Variants in CLHC1 observed in about 807,000 individuals in gnomAD.
CLHC1 encodes clathrin heavy chain linker domain containing 1, also known as clathrin heavy chain linker domain-containing protein 1.
Under a neutral mutation model 69.5 loss-of-function variants are expected in CLHC1, and 72 were observed. The ratio of observed to expected loss-of-function variants is 1.04; its 90% CI spans 0.86 to 1.26. CLHC1 has a LOEUF of 1.26. Ranked by LOEUF, CLHC1 falls within the 50% of genes most tolerant of loss-of-function variation. CLHC1 has a pLI of 0.00. For missense variants in CLHC1, 790 were observed against 679.3 expected, an observed-to-expected ratio of 1.16 and a Z score of -1.81; for synonymous variants, 223 against 224.3, an observed-to-expected ratio of 0.99 and a Z score of 0.05.
chr2:55,176,209 C>A (rs1309850454), intron 12 of CLHC1, among the ~76,000 whole-genome samples: 1 of 152,142 alleles, frequency 6.6e-6, no homozygotes, highest in Non-Finnish European at 1.5e-5. Flanking sequence ...CTCTTCATGT[C>A]TCAATTCAAC....
chr2:55,180,445 A>G, intron 11 of CLHC1, 65 bp downstream of exon 11: 1 of 1,160,260 alleles, frequency 8.6e-7, no homozygotes, highest in East Asian at 2.4e-5. Flanking sequence ...GCTTGCTATT[A>G]TGGGTAATCT....
intron 10 of CLHC1, 95 bp from the exon 11 acceptor site, chr2:55,180,807 T>C: frequency 1.2e-6 from 1 of 857,544 alleles, no homozygotes; most frequent in African/African-American, 1.7e-5. Context: ...AGGACTGGAT[T>C]TTCTACTACC....
At chr2:55,178,991 C>T (rs981263966) in intron 11 of CLHC1, among the ~76,000 whole-genome samples, 1 of 151,286 alleles carries the variant, frequency 6.6e-6, no homozygotes, top group Admixed American at 6.6e-5. Context: ...TGCAGTGCCA[C>T]AATCACAGCT....
chr2:55,184,959 CACAA>C (rs537130476), intron 9 of CLHC1, among the ~76,000 whole-genome samples: 3,431 of 146,670 alleles, frequency 0.023, 70 homozygotes, highest in South Asian at 0.04. Flanking sequence ...CACACACACA[CACAA>C]AGATTTCCTA....
Position 55,197,859 on chromosome 2 carries a change from G to T in CLHC1, c.1006+8411C>A, listed in dbSNP as rs190311495. On this transcript the variant is annotated intron_variant, in intron 9 of 12. Coordinates refer to ENST00000401408, the MANE Select transcript of CLHC1 (RefSeq NM_152385.4). ...GACCTCACCAAACAAACTAAATAAG[G>T]TAACAGGGCCAATCCTAGAAAGACA... is the stretch of plus-strand genomic sequence containing the variant. 5.3e-5 allele frequency among the ~76,000 whole-genome samples: 8 copies of T among 152,186 alleles called. No homozygotes were observed. The East Asian group carries it at 1.5e-3, about 29-fold the overall frequency.
chr2:55,205,100 A>C (rs538452010), intron 9 of CLHC1, among the ~76,000 whole-genome samples: 78 of 152,168 alleles, frequency 5.1e-4, no homozygotes, highest in Non-Finnish European at 8.2e-4. Flanking sequence ...CTATTAATAA[A>C]AAGTCAAAAG....
intron 7 of CLHC1, among the ~76,000 whole-genome samples, chr2:55,209,108 C>T (rs561771252): frequency 7.0e-4 from 106 of 152,112 alleles, no homozygotes; most frequent in African/African-American, 2.4e-3. Context: ...CTTCTGACCT[C>T]GTGATCTGCC....
intron 4 of CLHC1, among the ~76,000 whole-genome samples, chr2:55,215,351 G>C (rs1420285816): frequency 6.6e-6 from 1 of 152,120 alleles, no homozygotes; most frequent in Non-Finnish European, 1.5e-5. Flanking sequence ...TCATTGTAGA[G>C]CTGTGATTAG....
At chr2:55,223,097 G>C (rs1674315629) in intron 2 of CLHC1, among the ~76,000 whole-genome samples, 1 of 152,068 alleles carries the variant, frequency 6.6e-6, no homozygotes, top group Non-Finnish European at 1.5e-5. Context: ...CTTTCTAATA[G>C]AAGGTTTGGT....
At chr2:55,214,730 C>A (rs1210027629) in intron 4 of CLHC1, 1 of 152,046 alleles carries the variant, frequency 6.6e-6, no homozygotes, top group Non-Finnish European at 1.5e-5. Context: ...TCAAAAGAAA[C>A]TGAAAGCAGA....
intron 12 of CLHC1, among the ~76,000 whole-genome samples, chr2:55,176,879 T>TCTCTTCTC (rs1669435836): frequency 1.3e-5 from 2 of 152,150 alleles, no homozygotes; most frequent in South Asian, 2.1e-4. Flanking sequence ...GTTTTAATTA[T>TCTCTTCTC]TCTCTCTCTC....
Position 55,222,456 on chromosome 2 carries a change from T to C in CLHC1, c.-45A>G. On this transcript the variant is annotated 5_prime_UTR_variant, in exon 3 of 13. Transcript: ENST00000401408. The stretch of plus-strand genomic sequence containing the variant: ...TGTTCACTGAAGAACAGCTAAATCT[T>C]GACCTGCTCTTGCAACAAAGCCAAA... 6.7e-7 allele frequency: 1 copy of C among 1,487,614 alleles called. No homozygotes were observed. The highest frequency in any genetic ancestry group is 9.1e-7 in the Non-Finnish European group (1 of 1,097,604). The allele number at this position is 1,487,614 out of a possible 1,614,324, so 92.2% of individuals were successfully genotyped here.
intron 1 of CLHC1, among the ~76,000 whole-genome samples, chr2:55,230,587 C>G (rs1433770753): frequency 1.3e-5 from 2 of 152,056 alleles, no homozygotes; most frequent in Non-Finnish European, 2.9e-5. Context: ...GGTCCAAGGA[C>G]TGGGCCTTGG....
chr2:55,208,928 T>C (rs945525110), intron 7 of CLHC1, among the ~76,000 whole-genome samples: 2 of 140,076 alleles, frequency 1.4e-5, no homozygotes, highest in African/African-American at 5.3e-5. Context: ...TGGAGTGCAG[T>C]GGCCCTATCT....
At chr2:55,177,825 A>G in intron 11 of CLHC1, 44 bp from the exon 12 acceptor site, 3 of 1,407,018 alleles carry the variant, frequency 2.1e-6, no homozygotes, top group Middle Eastern at 3.9e-4. Context: ...TCCTAATATC[A>G]TAAATCAACT....
At chr2:55,226,694 C>T (rs113684879) in intron 2 of CLHC1, among the ~76,000 whole-genome samples, 3 of 152,218 alleles carry the variant, frequency 2.0e-5, no homozygotes, top group Non-Finnish European at 4.4e-5. Flanking sequence ...TGCAGTGGCA[C>T]GATCTCAGCT....
At chr2:55,218,721 C>G (rs921044600) in intron 3 of CLHC1, 1 of 151,538 alleles carries the variant, frequency 6.6e-6, no homozygotes, top group South Asian at 2.1e-4. Flanking sequence ...TATGCATTAC[C>G]CATGCAAAAA....
chr2:55,212,509 T>C (rs1673104236), intron 5 of CLHC1, among the ~76,000 whole-genome samples, 164 bp downstream of exon 5: 6 of 152,216 alleles, frequency 3.9e-5, no homozygotes, highest in Non-Finnish European at 8.8e-5. Context: ...AGTTCGTTTT[T>C]CCATTCCCTT....
intron 9 of CLHC1, among the ~76,000 whole-genome samples, chr2:55,199,360 A>G (rs1671727632): frequency 6.6e-6 from 1 of 151,506 alleles, no homozygotes; most frequent in South Asian, 2.1e-4. Flanking sequence ...AAAGAAAAGG[A>G]TATTAACGAA....
Sources: allele counts gnomAD v4.1 joint callset (sites outside exome capture counted in the v4.1 genomes callset), GRCh38; gene constraint gnomAD v4.1.1; transcripts MANE v1.5; gene names NCBI Gene and HGNC (gene_info 2026-07-23, HGNC 2026-07-21).